Variants in CACNA1B observed in about 807,000 individuals in gnomAD.
The protein encoded by CACNA1B is calcium voltage-gated channel subunit alpha1 B, also known as voltage-dependent N-type calcium channel subunit alpha-1B.
Under a neutral mutation model 247.2 loss-of-function variants are expected in CACNA1B, and 70 were observed. The ratio of observed to expected loss-of-function variants is 0.28; its 90% CI spans 0.23 to 0.35. The LOEUF (loss-of-function observed/expected upper bound fraction) is 0.35. Among genes scored for constraint, CACNA1B ranks in the 10% least tolerant of loss-of-function variants. The probability of loss-of-function intolerance (pLI) is 1.00; values close to 1 mark genes in which losing one functional copy is unlikely to be tolerated. For missense variants in CACNA1B, 2,367 were observed against 3,197.4 expected, an observed-to-expected ratio of 0.74 and a Z score of 6.26; for synonymous variants, 1,231 against 1,294.4, an observed-to-expected ratio of 0.95 and a Z score of 1.05.
In CACNA1B at chr9:138,058,231, G is replaced by T. The variant is rs1959583720; in HGVS notation, c.4289G>T (p.Cys1430Phe). The change falls in exon 28 of 47, where the codon TGC becomes TTC. Residue 1430 changes from cysteine (C) to phenylalanine (F), a missense_variant. Around this residue, in one of 12 missense-constraint regions of CACNA1B, gnomAD observed 436 missense variants for 679.5 expected, o/e 0.64. Coordinates refer to ENST00000371372, the MANE Select transcript of CACNA1B (RefSeq NM_000718.4). This position sits in a 1 kb window ranked among gnomAD's most constrained non-coding sequence, Gnocchi z 4.7. ...CAGGGGGACAAGGTGATGTCTGAAT[G>T]CAGCCTGGAGAAGAACGAGGTAGGT... ...QEQGDKVMSE[C>F]SLEKNERACI... 1.2e-6 allele frequency: 2 copies of T among 1,613,656 alleles called. No individual in the cohort carries two copies. Among genetic ancestry groups the T allele is most frequent in the Non-Finnish European group, 1.7e-6 (2 of 1,179,662 alleles).
chr9:138,067,099 T>C (rs2133523586), intron 31 of CACNA1B, among the ~76,000 whole-genome samples: 1 of 152,262 alleles, frequency 6.6e-6, no homozygotes, highest in East Asian at 1.9e-4. Context: ...TTGTGAATAG[T>C]TTATGCCAGT....
In CACNA1B at chr9:138,118,684, G is replaced by A; in HGVS notation, c.5946G>A (p.Arg1982=). Residue 1982 remains arginine (R), a synonymous_variant, in exon 44 of 47, where the codon CGG becomes CGA. Transcript: ENST00000371372. ...ACGTTCAGATGCAGAGCATAACCCG[G>A]AGGGGCCCTGATGGGGAGCCCCAGC... ...AVDVQMQSIT[R]RGPDGEPQPG... is the part of the protein sequence containing the mutation. The A allele has an allele frequency of 6.4e-7, 1 of 1,565,020 alleles. No individual in the cohort carries two copies. Among genetic ancestry groups the A allele is most frequent in the Non-Finnish European group, 8.7e-7 (1 of 1,153,612 alleles).
chr9:138,120,326 G>A lies in CACNA1B; in HGVS notation c.6192G>A (p.Gln2064=), dbSNP rs200191611. Residue 2064 remains glutamine (Q), a synonymous_variant, in exon 45 of 47, where the codon CAG becomes CAA. Transcript: ENST00000371372. The part of the protein sequence containing the change: ...HRCHRRRDRK[Q]RSLEKGPSLS... ...GCCACCGCCGCAGGGACAGGAAGCA[G>A]AGGTCCCTGGAGAAGGGGCCCAGCC... 402 of 1,561,350 alleles carry A rather than the reference G, an allele frequency of 2.6e-4. 1 individual carries two copies. In the African/African-American group the frequency reaches 4.9e-3, roughly 19 times the overall value.
intron 10 of CACNA1B, among the ~76,000 whole-genome samples, chr9:137,966,647 T>A (rs2133358470): frequency 6.6e-6 from 1 of 152,180 alleles, no homozygotes; most frequent in Middle Eastern, 3.4e-3. Flanking sequence ...CAAGCCATTC[T>A]CCTGCCTCAG....
Position 138,100,727 on chromosome 9 carries a change from T to C in CACNA1B, c.5223-1984T>C, listed in dbSNP as rs1454549213. Among the ~76,000 whole-genome samples, 1 of 151,990 alleles carries C rather than the reference T, an allele frequency of 6.6e-6. No homozygotes were observed. Among genetic ancestry groups the C allele is most frequent in the Non-Finnish European group, 1.5e-5 (1 of 67,988 alleles). ...AATGGGTATGGGCCTCTGAGGTTGC[T>C]GTGATAGAGAAGCAGACCTGCCTTG... is the stretch of plus-strand genomic sequence containing the variant. On this transcript the variant is annotated intron_variant, in intron 37 of 46. Transcript: ENST00000371372. This position sits in a 1 kb window ranked among gnomAD's most constrained non-coding sequence, Gnocchi z 4.6.
intron 6 of CACNA1B, among the ~76,000 whole-genome samples, chr9:137,949,076 G>A (rs965790018): frequency 2.3e-5 from 2 of 85,256 alleles, no homozygotes; most frequent in Non-Finnish European, 4.9e-5. Context: ...TGTAGTGTGT[G>A]TGGTGTGTGT....
At chr9:137,960,671 G>A (rs1958010573) in intron 10 of CACNA1B, among the ~76,000 whole-genome samples, 2 of 151,954 alleles carry the variant, frequency 1.3e-5, no homozygotes, top group African/African-American at 2.4e-5. Context: ...GGAGGCCAGC[G>A]CGGCTGGAGT....
chr9:138,056,035 A>C (rs1451033788), intron 26 of CACNA1B, among the ~76,000 whole-genome samples: 3 of 152,040 alleles, frequency 2.0e-5, no homozygotes, highest in Non-Finnish European at 2.9e-5. Flanking sequence ...CAAAAAAAAA[A>C]CAAAAACAGA....
At chr9:137,900,639 CTG>C (rs200471077) in intron 3 of CACNA1B, among the ~76,000 whole-genome samples, 25 of 147,828 alleles carry the variant, frequency 1.7e-4, no homozygotes, top group African/African-American at 6.0e-4. Context: ...GTCTCTGTGT[CTG>C]TGTGTCTGTG....
intron 12 of CACNA1B, 21 bp downstream of exon 12, chr9:137,976,040 G>C (rs1958216444): frequency 7.1e-7 from 1 of 1,409,402 alleles, no homozygotes; most frequent in African/African-American, 1.4e-5. Flanking sequence ...GGCCTGATCA[G>C]GGGCCCAGGC....
chr9:138,078,838 T>C (rs929479394), intron 36 of CACNA1B, among the ~76,000 whole-genome samples: 4 of 152,124 alleles, frequency 2.6e-5, no homozygotes, highest in South Asian at 4.2e-4. Flanking sequence ...AAAGTAGAGC[T>C]GGCACGATTG....
chr9:137,982,805 A>G (rs1383766230), intron 12 of CACNA1B, among the ~76,000 whole-genome samples: 2 of 152,232 alleles, frequency 1.3e-5, no homozygotes, highest in Non-Finnish European at 1.5e-5. Context: ...TGGGGTGGCA[A>G]GCTTACCCAA....
chr9:137,930,403 G>T (rs966344639), intron 6 of CACNA1B, among the ~76,000 whole-genome samples: 7 of 152,122 alleles, frequency 4.6e-5, no homozygotes, highest in Non-Finnish European at 1.0e-4. Flanking sequence ...AGAGTTACCT[G>T]TTATCTTTCT....
Position 137,914,697 on chromosome 9 carries a change from A to T in CACNA1B, c.666A>T (p.Pro222=). Residue 222 remains proline, a synonymous_variant, in exon 5 of 47, where the codon CCA becomes CCT. Coordinates refer to ENST00000371372, the MANE Select transcript of CACNA1B (RefSeq NM_000718.4). This position sits in a 1 kb window ranked among gnomAD's most constrained non-coding sequence, Gnocchi z 4.3. ...VLKSIMKAMV[P]LLQIGLLLFF... is the part of the protein sequence containing the mutation. The stretch of plus-strand genomic sequence containing the variant: ...AGTCCATCATGAAGGCCATGGTTCC[A>T]CTCCTGCAGATTGGGCTGCTTCTCT... 6.2e-7 allele frequency: 1 copy of T among 1,613,474 alleles called. No homozygotes were observed. Among genetic ancestry groups the T allele is most frequent in the Non-Finnish European group, 8.5e-7 (1 of 1,179,776 alleles).
At chr9:137,967,847 T>G (rs1958099481) in intron 10 of CACNA1B, among the ~76,000 whole-genome samples, 1 of 152,178 alleles carries the variant, frequency 6.6e-6, no homozygotes, top group African/African-American at 2.4e-5. Flanking sequence ...TTATTCTGTC[T>G]CCTTTTCTTG....
At chr9:137,910,344 T>G (rs1957346281) in intron 3 of CACNA1B, among the ~76,000 whole-genome samples, 1 of 152,168 alleles carries the variant, frequency 6.6e-6, no homozygotes, top group Non-Finnish European at 1.5e-5. Flanking sequence ...AGGTTTCTTT[T>G]CACTTTTTGA....
Position 138,025,121 on chromosome 9 carries a change from C to T in CACNA1B, c.3235C>T (p.His1079Tyr), listed in dbSNP as rs1160637370. 1.9e-6 allele frequency: 3 copies of T among 1,613,402 alleles called. No individual in the cohort carries two copies. Among genetic ancestry groups the T allele is most frequent in the Non-Finnish European group, 2.5e-6 (3 of 1,179,642 alleles). ...GCCCCCAGACCCGAACACTATTGTA[C>T]ATATCCCAGTGATGCTGACGGGCCC... ...SQPPDPNTIV[H>Y]IPVMLTGPLG... Residue 1079 changes from histidine (H) to tyrosine (Y), a missense_variant, in exon 20 of 47, where the codon CAT (histidine) becomes TAT (tyrosine). By Grantham distance (83) the His-to-Tyr change is moderately conservative (BLOSUM62 2). Coordinates refer to ENST00000371372, the MANE Select transcript of CACNA1B (RefSeq NM_000718.4).
In CACNA1B at chr9:137,882,676, C is replaced by T; in HGVS notation, c.391-68C>T. ...GCACATGGTGGGGTGGGGTCCTCAC[C>T]AACCGTCTCTGCCCGCTACTACACC... On this transcript the variant is annotated intron_variant, in intron 2 of 46. Coordinates refer to ENST00000371372, the MANE Select transcript of CACNA1B (RefSeq NM_000718.4). This position sits in a 1 kb window ranked among gnomAD's most constrained non-coding sequence, Gnocchi z 4.0. The T allele has an allele frequency of 1.3e-6, 2 of 1,592,812 alleles. No individual in the cohort carries two copies. The highest frequency in any genetic ancestry group is 1.7e-6 in the Non-Finnish European group (2 of 1,163,744).
rs1185954364 is a variant in CACNA1B at position 137,918,039 on chromosome 9, G to A, written c.966+608G>A. ...GGCCCCCAAGACCTTCCTCGGTCACGCAGGGATTCTTAGAGTGGAGCCTGT... is the reference window on the plus strand; with the variant it reads ...GGCCCCCAAGACCTTCCTCGGTCACACAGGGATTCTTAGAGTGGAGCCTGT... On this transcript the variant is annotated intron_variant, in intron 6 of 46. Transcript: ENST00000371372. Among the ~76,000 whole-genome samples the A allele has an allele frequency of 2.0e-5, 3 of 152,352 alleles. No homozygotes were observed. In the East Asian group the frequency reaches 5.8e-4, roughly 29 times the overall value.
Sources: allele counts gnomAD v4.1 joint callset (sites outside exome capture counted in the v4.1 genomes callset), GRCh38; gene constraint gnomAD v4.1.1; regional missense constraint gnomAD v4.1.1; non-coding constraint Gnocchi (gnomAD v3.1); transcripts MANE v1.5; gene names NCBI Gene and HGNC (gene_info 2026-07-23, HGNC 2026-07-21).